The following GAB2 variants were observed in gnomAD, a reference collection of about 807,000 sequenced individuals.
GAB2 encodes the protein GRB2 associated binding protein 2.
In GAB2, 26 loss-of-function variants were observed where a neutral mutation model predicts 65.5. The observed-to-expected ratio is 0.40, with a 90% CI of 0.29 to 0.55. The LOEUF (loss-of-function observed/expected upper bound fraction) is 0.55, where lower values mean the gene tolerates loss of function less well. Ranked by LOEUF, GAB2 falls within the 20% of genes least tolerant of loss-of-function variation. The pLI, the probability that GAB2 is intolerant of heterozygous loss-of-function variation, is 0.53. For missense variants in GAB2, 884 were observed against 875.8 expected (o/e 1.01, Z -0.12); for synonymous variants, 321 against 329.6 (o/e 0.97, Z 0.28).
intron 2 of GAB2, among the ~76,000 whole-genome samples, chr11:78,254,423 T>C (rs1215500756): frequency 1.3e-5 from 2 of 152,182 alleles, no homozygotes; most frequent in Non-Finnish European, 2.9e-5. Context: ...TTAGGATGAA[T>C]TGGGCCTTCA....
chr11:78,388,529 T>C (rs893741519), intron 1 of GAB2, among the ~76,000 whole-genome samples: 1 of 151,980 alleles, frequency 6.6e-6, no homozygotes, highest in African/African-American at 2.4e-5. Context: ...TGTCTTGCTA[T>C]GTTGTCTAGG....
At chr11:78,242,727 AG>A (rs147772581) in intron 3 of GAB2, among the ~76,000 whole-genome samples, 2,474 of 152,328 alleles carry the variant, frequency 0.016, 71 homozygotes, top group African/African-American at 0.056. Flanking sequence ...AATTAGTAAA[AG>A]GGGAAAAAAA....
At chr11:78,334,124 A>G (rs1292538689) in intron 1 of GAB2, among the ~76,000 whole-genome samples, 1 of 152,072 alleles carries the variant, frequency 6.6e-6, no homozygotes, top group Non-Finnish European at 1.5e-5. Context: ...AACTTTTTTA[A>G]TTTAATTTTT....
At chr11:78,266,739 A>C (rs1322931492) in intron 2 of GAB2, among the ~76,000 whole-genome samples, 1 of 152,162 alleles carries the variant, frequency 6.6e-6, no homozygotes, top group Non-Finnish European at 1.5e-5. Flanking sequence ...CACTAAGAGG[A>C]GTTCCAAGGC....
chr11:78,416,785 A>C (rs1471922296), intron 1 of GAB2, among the ~76,000 whole-genome samples: 1 of 151,664 alleles, frequency 6.6e-6, no homozygotes, highest in Non-Finnish European at 1.5e-5. Flanking sequence ...GGGTTAAAAA[A>C]AAAAAAAAAA....
intron 2 of GAB2, among the ~76,000 whole-genome samples, chr11:78,271,628 C>T (rs1866010562): frequency 6.6e-6 from 1 of 152,298 alleles, no homozygotes; most frequent in African/African-American, 2.4e-5. Flanking sequence ...CAGACAGTCT[C>T]CATCTGCCAC....
chr11:78,383,581 CAAAAAAA>C lies in GAB2; in HGVS notation c.75+34058_75+34064del, dbSNP rs534814220. 2.3e-4 allele frequency among the ~76,000 whole-genome samples: 13 copies of C among 55,582 alleles called. 1 individual carries two copies. Among genetic ancestry groups the C allele is most frequent in the African/African-American group, 6.4e-4 (10 of 15,548 alleles). The allele number at this position is 55,582 out of a possible 152,430, so 36.5% of individuals were successfully genotyped here. On this transcript the variant is annotated intron_variant, in intron 1 of 9. Coordinates refer to ENST00000361507, the MANE Select transcript of GAB2 (RefSeq NM_080491.3). ...GCAACATGGCAAAACCCTGTCTCTC[CAAAAAAA>C]AAAAAAAAAAAATACAAAAATTAGC...
chr11:78,301,918 G>C (rs923344247), intron 1 of GAB2, among the ~76,000 whole-genome samples: 1 of 152,040 alleles, frequency 6.6e-6, no homozygotes, highest in African/African-American at 2.4e-5. Context: ...CTTCAACAAA[G>C]CGAACAAAAA....
chr11:78,261,157 C>G (rs1565130921), intron 2 of GAB2, among the ~76,000 whole-genome samples: 1 of 152,002 alleles, frequency 6.6e-6, no homozygotes, highest in African/African-American at 2.4e-5. Context: ...GTGGCAGATG[C>G]CTGCAGTCCC....
rs573607872 is a variant in GAB2 at position 78,271,231 on chromosome 11, G to A, written c.376+9370C>T. Among the ~76,000 whole-genome samples, 1,370 of 152,242 alleles carry A rather than the reference G, an allele frequency of 9.0e-3. 34 individuals are homozygous for A. The highest frequency in any genetic ancestry group is 0.017 in the Middle Eastern group (5 of 294). On this transcript the variant is annotated intron_variant, in intron 2 of 9. Coordinates refer to ENST00000361507, the MANE Select transcript of GAB2 (RefSeq NM_080491.3). Reference sequence around the variant, plus strand: ...GCCACAAATGTGAGGACTTGGATCCGCCTGCCTATAAACACAGCTCAGAGC... The same window carrying A: ...GCCACAAATGTGAGGACTTGGATCCACCTGCCTATAAACACAGCTCAGAGC...
At chr11:78,400,787 C>T (rs968708026) in intron 1 of GAB2, among the ~76,000 whole-genome samples, 1 of 151,350 alleles carries the variant, frequency 6.6e-6, no homozygotes. Context: ...GCCTGTAATC[C>T]CAGCTTCTCT....
chr11:78,407,563 G>A (rs749718689), intron 1 of GAB2, among the ~76,000 whole-genome samples: 20 of 151,800 alleles, frequency 1.3e-4, no homozygotes, highest in Admixed American at 7.2e-4. Context: ...AACCTGGGAC[G>A]CAGACATTGC....
At chr11:78,305,772 C>A (rs570213777) in intron 1 of GAB2, among the ~76,000 whole-genome samples, 1 of 152,324 alleles carries the variant, frequency 6.6e-6, no homozygotes, top group South Asian at 2.1e-4. Context: ...AGGAATAGGG[C>A]TCTCTGGAGT....
rs766704971 is a variant in GAB2, at chr11:78,226,657, T to C, written c.1015A>G (p.Met339Val). Residue 339 changes from methionine to valine, a missense_variant, in exon 4 of 10, where the codon ATG (methionine) becomes GTG (valine). Transcript: ENST00000361507. The part of the protein sequence containing the change: ...TFTLDKNHNA[M>V]TVATPGDSAI... Reference sequence around the variant, plus strand: ...GAGTCCCCAGGAGTGGCCACTGTCATGGCATTGTGGTTTTTGTCCAGAGTG... The same window carrying C: ...GAGTCCCCAGGAGTGGCCACTGTCACGGCATTGTGGTTTTTGTCCAGAGTG... 2 of 1,614,062 alleles carry C rather than the reference T, an allele frequency of 1.2e-6. No homozygotes were observed. Among genetic ancestry groups the C allele is most frequent in the South Asian group, 2.2e-5 (2 of 91,072 alleles).
At chr11:78,279,589 A>G (rs1004124441) in intron 2 of GAB2, among the ~76,000 whole-genome samples, 2 of 151,918 alleles carry the variant, frequency 1.3e-5, no homozygotes, top group African/African-American at 4.8e-5. Flanking sequence ...CCAAGAAGAA[A>G]CCCCATACTC....
At chr11:78,244,907 C>A (rs1865254513) in intron 3 of GAB2, among the ~76,000 whole-genome samples, 1 of 152,156 alleles carries the variant, frequency 6.6e-6, no homozygotes, top group Admixed American at 6.5e-5. Context: ...AATAGAACTA[C>A]CTTATGATCC....
At chr11:78,363,585 T>TC (rs1491390851) in intron 1 of GAB2, among the ~76,000 whole-genome samples, 3 of 150,210 alleles carry the variant, frequency 2.0e-5, no homozygotes, top group Non-Finnish European at 4.4e-5. Flanking sequence ...AAATATATTT[T>TC]CTTTTTTTTT....
At chr11:78,323,624 T>C (rs1252690972) in intron 1 of GAB2, among the ~76,000 whole-genome samples, 1 of 148,690 alleles carries the variant, frequency 6.7e-6, no homozygotes, top group Non-Finnish European at 1.5e-5. Flanking sequence ...TAGTAGACAC[T>C]GAGGACTCCA....
intron 1 of GAB2, among the ~76,000 whole-genome samples, chr11:78,338,429 T>C (rs1440775617): frequency 6.6e-6 from 1 of 152,124 alleles, no homozygotes; most frequent in African/African-American, 2.4e-5. Context: ...AGAAGAAGCA[T>C]GCTTGATTGC....
Sources: allele counts gnomAD v4.1 joint callset (sites outside exome capture counted in the v4.1 genomes callset), GRCh38; gene constraint gnomAD v4.1.1; transcripts MANE v1.5; gene names NCBI Gene and HGNC (gene_info 2026-07-23, HGNC 2026-07-21).